Variants in TDRD15 observed in about 807,000 individuals in gnomAD.
TDRD15 encodes the protein tudor domain containing 15, also known as tudor domain-containing protein 15.
For missense variants in TDRD15, 1,416 were observed against 904.7 expected, an observed-to-expected ratio of 1.57 and a Z score of -7.25; for synonymous variants, 503 against 314.5, an observed-to-expected ratio of 1.60 and a Z score of -6.34.
intron 1 of TDRD15, among the ~76,000 whole-genome samples, chr2:21,125,544 TAAAG>T (rs558994273): frequency 7.5e-4 from 114 of 151,818 alleles, no homozygotes; most frequent in Non-Finnish European, 7.7e-4. Flanking sequence ...CCAAAAGACA[TAAAG>T]AGAGTTAGGG....
chr2:21,125,156 G>C (rs940435063), intron 1 of TDRD15, among the ~76,000 whole-genome samples: 2 of 151,642 alleles, frequency 1.3e-5, no homozygotes, highest in African/African-American at 4.8e-5. Context: ...GTGTGTGAGA[G>C]AGAAATCCTA....
intron 2 of TDRD15, among the ~76,000 whole-genome samples, chr2:21,134,500 G>A (rs1323669481): frequency 2.0e-5 from 3 of 151,884 alleles, no homozygotes; most frequent in Non-Finnish European, 2.9e-5. Context: ...TGATTTTCCC[G>A]ATACTGTGCT....
In TDRD15 at chr2:21,142,289, T is replaced by C. The variant is rs1327097515; in HGVS notation, c.4822T>C (p.Phe1608Leu). Residue 1608 changes from phenylalanine to leucine, a missense_variant, in exon 4 of 4, where the codon TTT becomes CTT. Coordinates refer to ENST00000405799, the MANE Select transcript of TDRD15 (RefSeq NM_001306137.2). ...GTATGTTGATGATAAAGTACTTGTTTTTTTAGTAGATTGTGGTATCTATGA... is the reference window on the plus strand; with the variant it reads ...GTATGTTGATGATAAAGTACTTGTTCTTTTAGTAGATTGTGGTATCTATGA... ...EKYVDDKVLV[F>L]LVDCGIYEIV... is the part of the protein sequence containing the mutation. 5.8e-6 allele frequency: 4 copies of C among 689,936 alleles called. No homozygotes were observed. In the East Asian group the frequency reaches 8.1e-5, roughly 14 times the overall value. The allele number at this position is 689,936 out of a possible 1,614,324, so 42.7% of individuals were successfully genotyped here.
intron 2 of TDRD15, among the ~76,000 whole-genome samples, chr2:21,133,449 C>T (rs2103439647): frequency 6.6e-6 from 1 of 152,014 alleles, no homozygotes; most frequent in Non-Finnish European, 1.5e-5. Context: ...TTAGTTGAAA[C>T]AACAGTGTAA....
In TDRD15 at chr2:21,141,057, A is replaced by G; in HGVS notation, c.3590A>G (p.Gln1197Arg). 1 of 707,088 alleles carries G rather than the reference A, an allele frequency of 1.4e-6. No homozygotes were observed. Among genetic ancestry groups the G allele is most frequent in the East Asian group, 2.7e-5 (1 of 37,242 alleles). 43.8% of individuals were successfully genotyped at this position (707,088 alleles called of 1,614,324 possible). The part of the protein sequence containing the change: ...PVTYSERKID[Q>R]LMHPKNIHAR... ...ACATATTCCGAAAGAAAAATAGACC[A>G]ATTGATGCATCCCAAAAATATACAT... is the stretch of plus-strand genomic sequence containing the variant. The change falls in exon 4 of 4, where the codon CAA becomes CGA. Residue 1197 changes from glutamine (Q) to arginine (R), a missense_variant. Transcript: ENST00000405799.
Position 21,126,472 on chromosome 2 carries a change from T to C in TDRD15, c.-200-1129T>C, listed in dbSNP as rs574291909. On this transcript the variant is annotated intron_variant, in intron 1 of 3. Coordinates refer to ENST00000405799, the MANE Select transcript of TDRD15 (RefSeq NM_001306137.2). ...ATCTCTGCCTCCCGGGTTCAAGCGA[T>C]TCTCCTTCCTCAGGCTCCCGAGTAG... is the stretch of plus-strand genomic sequence containing the variant. Among the ~76,000 whole-genome samples the C allele has an allele frequency of 3.2e-3, 484 of 152,220 alleles. 5 individuals are homozygous for C. Among genetic ancestry groups the C allele is most frequent in the Non-Finnish European group, 4.2e-3 (285 of 68,012 alleles).
chr2:21,142,084 T>C lies in TDRD15; in HGVS notation c.4617T>C (p.Ser1539=). ...CTGAAATGCTTAATGTTTCAAAAAGTGGAAGATTTTATGTGAAGTTATCCA... is the reference window on the plus strand; with the variant it reads ...CTGAAATGCTTAATGTTTCAAAAAGCGGAAGATTTTATGTGAAGTTATCCA... ...EKAEMLNVSK[S]GRFYVKLSKN... Residue 1539 remains serine (S), a synonymous_variant, in exon 4 of 4, where the codon AGT becomes AGC. Transcript: ENST00000405799. 2 of 694,278 alleles carry C rather than the reference T, an allele frequency of 2.9e-6. No individual in the cohort carries two copies. Among genetic ancestry groups the C allele is most frequent in the East Asian group, 5.4e-5 (2 of 37,102 alleles). The allele number at this position is 694,278 out of a possible 1,614,324, so 43.0% of individuals were successfully genotyped here.
Position 21,142,449 on chromosome 2 carries a change from A to C in TDRD15, c.4982A>C (p.Glu1661Ala). The C allele has an allele frequency of 1.4e-6, 1 of 708,064 alleles. No homozygotes were observed. Among genetic ancestry groups the C allele is most frequent in the Non-Finnish European group, 2.6e-6 (1 of 381,624 alleles). The allele number at this position is 708,064 out of a possible 1,614,324, so 43.9% of individuals were successfully genotyped here. A position where few individuals can be genotyped will look rare whatever the true frequency, so the allele number is the denominator to read the frequency against. ...ISFECLFADL[E>A]INILFLKYLD... is the part of the protein sequence containing the mutation. Reference sequence around the variant, plus strand: ...TTTGAGTGCTTATTTGCTGATTTGGAAATAAATATTCTTTTCCTGAAATAT... The same window carrying C: ...TTTGAGTGCTTATTTGCTGATTTGGCAATAAATATTCTTTTCCTGAAATAT... Residue 1661 changes from glutamate to alanine, a missense_variant, in exon 4 of 4, where the codon GAA (glutamate) becomes GCA (alanine). Physicochemically the swap from Glu to Ala is moderately radical, Grantham distance 107 (BLOSUM62 -1). Coordinates refer to ENST00000405799, the MANE Select transcript of TDRD15 (RefSeq NM_001306137.2).
In TDRD15 at chr2:21,138,386, A is replaced by G. The variant is rs1665854473; in HGVS notation, c.919A>G (p.Arg307Gly). 5.6e-6 allele frequency: 4 copies of G among 716,390 alleles called. No individual in the cohort carries two copies. In the South Asian group the frequency reaches 5.9e-5, roughly 11 times the overall value. 44.4% of individuals were successfully genotyped at this position (716,390 alleles called of 1,614,324 possible). A position where few individuals can be genotyped will look rare whatever the true frequency, so the allele number is the denominator to read the frequency against. ...CAGAAGGCGAAATGGACAGTGGCAT[A>G]GAGGAATTCTTCAGCAGCTCTTGCC... ...VARRRNGQWHRGILQQLLPPN... is the reference protein window; with the variant it reads ...VARRRNGQWHGGILQQLLPPN... Residue 307 changes from arginine (R) to glycine (G), a missense_variant, in exon 4 of 4, where the codon AGA becomes GGA. Transcript: ENST00000405799.
In TDRD15 at chr2:21,140,471, G is replaced by C. The variant is rs1287940219; in HGVS notation, c.3004G>C (p.Val1002Leu). The C allele has an allele frequency of 8.6e-6, 6 of 697,318 alleles. No homozygotes were observed. The East Asian group carries it at 1.6e-4, about 19-fold the overall frequency. 43.2% of individuals were successfully genotyped at this position (697,318 alleles called of 1,614,324 possible). Reference sequence around the variant, plus strand: ...GATAGAAACAAAAATCACAGAGAGTGTTAACCTCCAAAATTTTCCAAAATA... The same window carrying C: ...GATAGAAACAAAAATCACAGAGAGTCTTAACCTCCAAAATTTTCCAAAATA... ...EMIETKITES[V>L]NLQNFPKYDS... Residue 1002 changes from valine (V) to leucine (L), a missense_variant, in exon 4 of 4, where the codon GTT becomes CTT. Coordinates refer to ENST00000405799, the MANE Select transcript of TDRD15 (RefSeq NM_001306137.2).
downstream of TDRD15, among the ~76,000 whole-genome samples, chr2:21,146,883 A>C (rs1441621257): frequency 6.6e-6 from 1 of 152,100 alleles, no homozygotes; most frequent in Non-Finnish European, 1.5e-5. Flanking sequence ...GTTATTAAAA[A>C]TATGGGCACT....
chr2:21,132,761 G>C (rs1572296367), intron 2 of TDRD15, among the ~76,000 whole-genome samples: 1 of 152,018 alleles, frequency 6.6e-6, no homozygotes, highest in Non-Finnish European at 1.5e-5. Context: ...AAATATTCTT[G>C]TATTTTCTTC....
At chr2:21,128,311 T>C (rs1437998249) in intron 2 of TDRD15, among the ~76,000 whole-genome samples, 1 of 151,724 alleles carries the variant, frequency 6.6e-6, no homozygotes, top group Admixed American at 6.6e-5. Context: ...AATCTGTCAT[T>C]TGTCTATTCA....
chr2:21,130,540 C>A (rs568129532), intron 2 of TDRD15, among the ~76,000 whole-genome samples: 2 of 152,282 alleles, frequency 1.3e-5, no homozygotes, highest in African/African-American at 4.8e-5. Context: ...GTCGAACCAT[C>A]GTAAGTCTGA....
chr2:21,142,515 TG>T lies in TDRD15; in HGVS notation c.5049del (p.Leu1684TyrfsTer6). On this transcript the variant is annotated frameshift_variant, in exon 4 of 4. Transcript: ENST00000405799. LOFTEE classifies it low-confidence loss of function (END_TRUNC). Reference protein sequence around the residue: ...VWEVEILVDDLLLLEYLNLNT... With the variant: ...VWEVEILVDDXLLLEYLNLNT... Reference sequence around the variant, plus strand: ...GAAGTAGAAATTTTGGTAGATGACCTGTTACTTTTGGAATACTTAAATTTGA... The same window carrying T: ...GAAGTAGAAATTTTGGTAGATGACCTTTACTTTTGGAATACTTAAATTTGA... 1.4e-6 allele frequency: 1 copy of T among 697,466 alleles called. No individual in the cohort carries two copies. Among genetic ancestry groups the T allele is most frequent in the Non-Finnish European group, 2.6e-6 (1 of 377,458 alleles). The allele number at this position is 697,466 out of a possible 1,614,324, so 43.2% of individuals were successfully genotyped here. A position where few individuals can be genotyped will look rare whatever the true frequency, so the allele number is the denominator to read the frequency against.
chr2:21,135,742 C>T (rs1665795853), intron 3 of TDRD15, among the ~76,000 whole-genome samples: 1 of 151,992 alleles, frequency 6.6e-6, no homozygotes. Flanking sequence ...TGTAATGCCT[C>T]AGCAGTCTAT....
At chr2:21,147,226 A>G (rs1341785644), downstream of TDRD15, among the ~76,000 whole-genome samples, 2 of 151,968 alleles carry the variant, frequency 1.3e-5, no homozygotes, top group African/African-American at 4.8e-5. Flanking sequence ...GTGAATACAC[A>G]CAGATGTATT....
rs1665853202 is a variant in TDRD15, at chr2:21,138,360, C to T, written c.893C>T (p.Ala298Val). The stretch of plus-strand genomic sequence containing the variant: ...GATAATTTTGGACTGCTTTGTGTTG[C>T]CAGAAGGCGAAATGGACAGTGGCAT... ...TCDNFGLLCV[A>V]RRRNGQWHRG... The change falls in exon 4 of 4, where the codon GCC becomes GTC. Residue 298 changes from alanine (A) to valine (V), a missense_variant. Ala to Val is a moderately conservative substitution (Grantham distance 64, BLOSUM62 0). Transcript: ENST00000405799. 1.4e-6 allele frequency: 1 copy of T among 716,402 alleles called. No individual in the cohort carries two copies. 44.4% of individuals were successfully genotyped at this position (716,402 alleles called of 1,614,324 possible). A position where few individuals can be genotyped will look rare whatever the true frequency, so the allele number is the denominator to read the frequency against.
intron 2 of TDRD15, among the ~76,000 whole-genome samples, chr2:21,130,853 G>A (rs1404369941): frequency 1.3e-5 from 2 of 152,258 alleles, no homozygotes; most frequent in Admixed American, 6.5e-5. Flanking sequence ...ACTTTAAAAT[G>A]TCCTTGATCT....
Sources: gnomAD v4.1 joint callset for allele counts (sites outside exome capture counted in the v4.1 genomes callset) on GRCh38, gnomAD v4.1.1 for gene constraint, MANE v1.5 for transcripts, NCBI Gene and HGNC (gene_info 2026-07-23, HGNC 2026-07-21) for gene names.